The following TMEM260 variants were observed in gnomAD, a reference collection of about 807,000 sequenced individuals.
TMEM260 encodes the protein protein O-mannosyl-transferase TMEM260.
In TMEM260, 82 loss-of-function variants were observed where a neutral mutation model predicts 88.9. The ratio of observed to expected loss-of-function variants is 0.92; its 90% CI spans 0.77 to 1.11. TMEM260 has a LOEUF of 1.11. Among genes scored for constraint, TMEM260 ranks in the 50% least tolerant of loss-of-function variants. The pLI, the probability that TMEM260 is intolerant of heterozygous loss-of-function variation, is 0.00. For synonymous variants in TMEM260, 314 were observed against 309.3 expected (o/e 1.02, Z -0.16); for missense variants, 902 against 853.4 (o/e 1.06, Z -0.71).
rs376516154 is a variant in TMEM260 at position 56,625,441 on chromosome 14, T to G, written c.1458T>G (p.Phe486Leu). ...KMAKHLPGVNFPGNRWNPVEG... is the reference protein window; with the variant it reads ...KMAKHLPGVNLPGNRWNPVEG... ...CAAAGCACTTGCCAGGTGTCAACTT[T>G]CCTGGGAACCGGTGGAATCCTGTGG... is the stretch of plus-strand genomic sequence containing the variant. Residue 486 changes from phenylalanine (F) to leucine (L), a missense_variant, in exon 12 of 16, where the codon TTT becomes TTG. Coordinates refer to ENST00000261556, the MANE Select transcript of TMEM260 (RefSeq NM_017799.4). 2 of 1,613,910 alleles carry G rather than the reference T, an allele frequency of 1.2e-6. No individual in the cohort carries two copies. Among genetic ancestry groups the G allele is most frequent in the African/African-American group, 2.7e-5 (2 of 74,932 alleles).
chr14:56,580,173 A>T, intron 1 of TMEM260, 99 bp downstream of exon 1: 4 of 1,046,988 alleles, frequency 3.8e-6, no homozygotes, highest in Non-Finnish European at 4.9e-6. Context: ...CGGTCTGGTC[A>T]GCTCTGGGCC....
At chr14:56,651,839 A>T (rs1334961497), downstream of TMEM260, among the ~76,000 whole-genome samples, 2 of 152,238 alleles carry the variant, frequency 1.3e-5, no homozygotes, top group African/African-American at 4.8e-5. Context: ...ATGGCATAAA[A>T]TTTTTTAATC....
intron 3 of TMEM260, among the ~76,000 whole-genome samples, chr14:56,597,997 T>C (rs147322817): frequency 1.3e-5 from 2 of 152,310 alleles, no homozygotes; most frequent in Admixed American, 1.3e-4. Context: ...CATCCAGAGT[T>C]GTACTGGCAT....
chr14:56,618,567 C>T, intron 9 of TMEM260, 27 bp from the exon 10 acceptor site: 1 of 1,610,116 alleles, frequency 6.2e-7, no homozygotes, highest in Non-Finnish European at 8.5e-7. Context: ...GTCAACTGGA[C>T]CCACTGGTTG....
rs567181883 is a variant in TMEM260, at chr14:56,649,034, T to C, written c.*1537T>C. 2.0e-5 allele frequency: 3 copies of C among 152,820 alleles called. No homozygotes were observed. The highest frequency in any genetic ancestry group is 6.5e-5 in the Admixed American group (1 of 15,296). The allele number at this position is 152,820 out of a possible 1,614,324, so 9.5% of individuals were successfully genotyped here. ...ACAGGGGAAGCTCTTGCCCCTCCAT[T>C]CTCTGGATTTGAAGATGTCCATTGG... On this transcript the variant is annotated 3_prime_UTR_variant, in exon 16 of 16. Transcript: ENST00000261556.
chr14:56,583,012 A>G (rs935365559), intron 1 of TMEM260, among the ~76,000 whole-genome samples: 8 of 152,226 alleles, frequency 5.3e-5, no homozygotes, highest in African/African-American at 1.7e-4. Flanking sequence ...AGTTAGAGAA[A>G]AACAGCCTAT....
Position 56,603,835 on chromosome 14 carries a change from G to C in TMEM260, c.365G>C (p.Gly122Ala), listed in dbSNP as rs200266108. 6 of 1,613,694 alleles carry C rather than the reference G, an allele frequency of 3.7e-6. No individual in the cohort carries two copies. Among genetic ancestry groups the C allele is most frequent in the Non-Finnish European group, 5.1e-6 (6 of 1,179,786 alleles). ...TGCAGGCTTTCTGGCTCATCTGCTG[G>C]AGGAATCCTTGCTGCGGGGGTGTTT... Reference protein sequence around the residue: ...TVFRLSGSSAGGILAAGVFSF... With the variant: ...TVFRLSGSSAAGILAAGVFSF... The change falls in exon 4 of 16, where the codon GGA (glycine) becomes GCA (alanine). Residue 122 changes from glycine (G) to alanine (A), a missense_variant. Coordinates refer to ENST00000261556, the MANE Select transcript of TMEM260 (RefSeq NM_017799.4).
At chr14:56,643,995 G>T (rs560811015) in intron 15 of TMEM260, among the ~76,000 whole-genome samples, 1 of 151,918 alleles carries the variant, frequency 6.6e-6, no homozygotes, top group East Asian at 1.9e-4. Context: ...CACTGCTCAA[G>T]GAAATAAAAG....
At chr14:56,625,554 G>A in intron 12 of TMEM260, 24 bp downstream of exon 12, 1 of 1,553,182 alleles carries the variant, frequency 6.4e-7, no homozygotes, top group East Asian at 2.3e-5. Flanking sequence ...TTATATAATA[G>A]CTTTTCTAAA....
chr14:56,636,104 G>C (rs1187162859), intron 14 of TMEM260, among the ~76,000 whole-genome samples: 1 of 152,142 alleles, frequency 6.6e-6, no homozygotes, highest in African/African-American at 2.4e-5. Flanking sequence ...TGAGTTCATG[G>C]GGTCTAAGGG....
chr14:56,655,235 C>A (rs1890279702), downstream of TMEM260, among the ~76,000 whole-genome samples: 1 of 151,890 alleles, frequency 6.6e-6, no homozygotes, highest in East Asian at 1.9e-4. Flanking sequence ...ACTAAAAATA[C>A]AAAAATTAGC....
intron 3 of TMEM260, among the ~76,000 whole-genome samples, chr14:56,596,406 G>GTGTGTGTGTATATATATA (rs1290307932): frequency 9.0e-6 from 1 of 111,320 alleles, no homozygotes; most frequent in Admixed American, 8.7e-5. Flanking sequence ...GTGTGTGTGT[G>GTGTGTGTGTATATATATA]TATATATATA....
At chr14:56,607,221 G>T (rs1886967507) in intron 5 of TMEM260, among the ~76,000 whole-genome samples, 1 of 152,280 alleles carries the variant, frequency 6.6e-6, no homozygotes, top group African/African-American at 2.4e-5. Flanking sequence ...TCTCCCTCTC[G>T]TATTGGTCAT....
the TMEM260 span, among the ~76,000 whole-genome samples, chr14:56,661,836 C>T: frequency 8.5e-5 from 13 of 152,238 alleles, no homozygotes; most frequent in Middle Eastern, 0.014. Context: ...TGGCCTTCTC[C>T]CGTCCACACA....
intron 12 of TMEM260, among the ~76,000 whole-genome samples, chr14:56,631,414 G>C (rs1402007258): frequency 6.6e-6 from 1 of 152,154 alleles, no homozygotes; most frequent in East Asian, 1.9e-4. Context: ...CCTGAGGTCA[G>C]AAGTTCAAGA....
chr14:56,596,574 C>G (rs902049905), intron 3 of TMEM260, among the ~76,000 whole-genome samples: 48 of 150,250 alleles, frequency 3.2e-4, no homozygotes, highest in African/African-American at 1.1e-3. Context: ...CAAGACTAGC[C>G]TCAACATGGA....
At chr14:56,647,099 G>C (rs557258251) in intron 15 of TMEM260, 144 bp from the exon 16 acceptor site, 3 of 861,534 alleles carry the variant, frequency 3.5e-6, no homozygotes, top group African/African-American at 1.7e-5. Context: ...TGGGTTCTCT[G>C]CATGGCTTAG....
In TMEM260 at chr14:56,647,795, G is replaced by A; in HGVS notation, c.*298G>A. ...CTGCACTGGATTAGATTCTAGAAGA[G>A]AATGAACCATTTTCATATAACTAAA... On this transcript the variant is annotated 3_prime_UTR_variant, in exon 16 of 16. Coordinates refer to ENST00000261556, the MANE Select transcript of TMEM260 (RefSeq NM_017799.4). 3.2e-6 allele frequency: 1 copy of A among 316,962 alleles called. No homozygotes were observed. Among genetic ancestry groups the A allele is most frequent in the South Asian group, 4.5e-5 (1 of 22,048 alleles). The allele number at this position is 316,962 out of a possible 1,614,324, so 19.6% of individuals were successfully genotyped here. A position where few individuals can be genotyped will look rare whatever the true frequency, so the allele number is the denominator to read the frequency against.
At position 56,609,608 on chromosome 14, in the gene TMEM260, A is replaced by G. The variant is rs564948422; in HGVS notation, c.816+323A>G. On this transcript the variant is annotated intron_variant, in intron 6 of 15. Transcript: ENST00000261556. Reference sequence around the variant, plus strand: ...TATGGGTACTTGATCTGTGAATAAAACTATTTGGAAAAGATCGAAGGAAAA... The same window carrying G: ...TATGGGTACTTGATCTGTGAATAAAGCTATTTGGAAAAGATCGAAGGAAAA... Among the ~76,000 whole-genome samples, 10 of 152,320 alleles carry G rather than the reference A, an allele frequency of 6.6e-5. No individual in the cohort carries two copies. In the East Asian group the frequency reaches 1.9e-3, roughly 29 times the overall value.
Sources: allele counts gnomAD v4.1 joint callset (sites outside exome capture counted in the v4.1 genomes callset), GRCh38; gene constraint gnomAD v4.1.1; transcripts MANE v1.5; gene names NCBI Gene and HGNC (gene_info 2026-07-23, HGNC 2026-07-21).